DCC: variants seen among roughly 807,000 people sequenced by gnomAD.
The protein encoded by DCC is DCC netrin 1 receptor, also known as netrin receptor DCC.
Under a neutral mutation model 172.5 loss-of-function variants are expected in DCC, and 58 were observed. The ratio of observed to expected loss-of-function variants is 0.34; its 90% CI spans 0.27 to 0.42. The LOEUF is 0.42. Among genes scored for constraint, DCC ranks in the 10% least tolerant of loss-of-function variants. The probability of loss-of-function intolerance (pLI) is 1.00; values close to 1 mark genes in which losing one functional copy is unlikely to be tolerated. For missense variants in DCC, 1,740 were observed against 1,791.0 expected (o/e 0.97, Z 0.51); for synonymous variants, 709 against 644.5 (o/e 1.10, Z -1.52).
At chr18:53,426,888 G>A (rs1200775026) in intron 21 of DCC, among the ~76,000 whole-genome samples, 4 of 152,124 alleles carry the variant, frequency 2.6e-5, no homozygotes, top group Admixed American at 2.6e-4. Context: ...CCAGCAGGGT[G>A]CTCATGTTCT....
chr18:52,794,355 T>A (rs1284059087), intron 2 of DCC, among the ~76,000 whole-genome samples: 1 of 152,102 alleles, frequency 6.6e-6, no homozygotes, highest in Non-Finnish European at 1.5e-5. Context: ...TTTGTAGTTG[T>A]AGAAGTCTTT....
chr18:52,854,644 ATTCTT>A (rs2039024150), intron 2 of DCC, among the ~76,000 whole-genome samples: 2 of 152,240 alleles, frequency 1.3e-5, no homozygotes. Flanking sequence ...ACAGGTAACT[ATTCTT>A]TTCTGTTTTT....
intron 7 of DCC, among the ~76,000 whole-genome samples, chr18:53,106,079 GC>G (rs931661055): frequency 1.4e-4 from 21 of 151,718 alleles, no homozygotes; most frequent in African/African-American, 4.1e-4. Context: ...GTATATCAGA[GC>G]CCCCCAGTTA....
intron 1 of DCC, among the ~76,000 whole-genome samples, chr18:52,633,053 T>C (rs2034706599): frequency 6.6e-6 from 1 of 152,160 alleles, no homozygotes; most frequent in Non-Finnish European, 1.5e-5. Flanking sequence ...ATGAAAAGCA[T>C]TCTGGACATA....
chr18:52,811,260 A>G (rs1191479442), intron 2 of DCC, among the ~76,000 whole-genome samples: 1 of 152,226 alleles, frequency 6.6e-6, no homozygotes, highest in Non-Finnish European at 1.5e-5. Context: ...GAATATTTAT[A>G]TGATACCCTT....
chr18:52,938,881 A>G (rs958903845), intron 5 of DCC, among the ~76,000 whole-genome samples: 4 of 151,436 alleles, frequency 2.6e-5, no homozygotes, highest in African/African-American at 7.3e-5. Flanking sequence ...CCCCCATCCA[A>G]CTGCTCTTAT....
chr18:52,658,618 T>C (rs2035299460), intron 1 of DCC, among the ~76,000 whole-genome samples: 1 of 152,126 alleles, frequency 6.6e-6, no homozygotes, highest in Non-Finnish European at 1.5e-5. Context: ...ATGATGAGAT[T>C]AAAAGGTCAT....
Position 52,597,381 on chromosome 18 carries a change from T to C in DCC, c.92-154673T>C, listed in dbSNP as rs571236931. ...TGCCCAACTTGGTATTCAGAGTGGGTTCATTACAAAGAATATTGTTGCAGC... is the reference window on the plus strand; with the variant it reads ...TGCCCAACTTGGTATTCAGAGTGGGCTCATTACAAAGAATATTGTTGCAGC... On this transcript the variant is annotated intron_variant, in intron 1 of 28. Coordinates refer to ENST00000442544, the MANE Select transcript of DCC (RefSeq NM_005215.4). Among the ~76,000 whole-genome samples the C allele has an allele frequency of 5.3e-5, 8 of 152,274 alleles. No individual in the cohort carries two copies. In the East Asian group the frequency reaches 1.5e-3, roughly 29 times the overall value.
intron 12 of DCC, among the ~76,000 whole-genome samples, chr18:53,254,371 C>A (rs951286798): frequency 3.3e-5 from 5 of 151,968 alleles, no homozygotes; most frequent in Non-Finnish European, 5.9e-5. Flanking sequence ...ATGGTATCAA[C>A]CCCAATTTGT....
At chr18:52,760,336 C>T (rs1226105795) in intron 2 of DCC, among the ~76,000 whole-genome samples, 1 of 152,168 alleles carries the variant, frequency 6.6e-6, no homozygotes, top group Admixed American at 6.5e-5. Context: ...GGCTCAATCA[C>T]CTCCCACGAG....
intron 26 of DCC, among the ~76,000 whole-genome samples, chr18:53,492,763 T>C (rs2045973327): frequency 6.6e-6 from 1 of 152,184 alleles, no homozygotes; most frequent in Admixed American, 6.5e-5. Flanking sequence ...TTGTTCTTTT[T>C]TGCTTAGGAT....
intron 27 of DCC, among the ~76,000 whole-genome samples, chr18:53,510,124 G>A (rs1598826847): frequency 1.3e-5 from 2 of 152,156 alleles, no homozygotes; most frequent in East Asian, 3.9e-4. Flanking sequence ...GAAATGGGAT[G>A]TGTTGTCCTT....
chr18:52,655,622 A>G (rs1047900177), intron 1 of DCC, among the ~76,000 whole-genome samples: 1 of 152,136 alleles, frequency 6.6e-6, no homozygotes, highest in African/African-American at 2.4e-5. Flanking sequence ...AAAATGGCCT[A>G]TAAAATCCAC....
chr18:52,704,642 A>C (rs1820254583), intron 1 of DCC, among the ~76,000 whole-genome samples: 1 of 152,202 alleles, frequency 6.6e-6, no homozygotes, highest in African/African-American at 2.4e-5. Flanking sequence ...CTTGTTATAC[A>C]AACAACCACC....
intron 5 of DCC, among the ~76,000 whole-genome samples, chr18:53,033,944 C>A (rs559767867): frequency 3.8e-4 from 58 of 152,124 alleles, no homozygotes; most frequent in Non-Finnish European, 6.8e-4. Flanking sequence ...TCATACCCTC[C>A]TTCATGAAAC....
chr18:52,680,576 A>G (rs1032246700), intron 1 of DCC, among the ~76,000 whole-genome samples: 2 of 152,108 alleles, frequency 1.3e-5, no homozygotes, highest in Non-Finnish European at 2.9e-5. Context: ...TATCTTCTCC[A>G]CCATTATACC....
At chr18:53,214,907 G>A (rs1048321110) in intron 11 of DCC, among the ~76,000 whole-genome samples, 3 of 151,872 alleles carry the variant, frequency 2.0e-5, no homozygotes, top group Non-Finnish European at 4.4e-5. Context: ...TAAAAATGTA[G>A]GCAAGAAAAA....
At chr18:52,431,628 T>G (rs1394728517) in intron 1 of DCC, among the ~76,000 whole-genome samples, 5 of 152,126 alleles carry the variant, frequency 3.3e-5, no homozygotes, top group Non-Finnish European at 7.4e-5. Flanking sequence ...CTGTTTATGG[T>G]TCCAATGCCA....
chr18:52,770,344 T>C (rs1004459360), intron 2 of DCC, among the ~76,000 whole-genome samples: 3 of 152,236 alleles, frequency 2.0e-5, no homozygotes, highest in African/African-American at 7.2e-5. Flanking sequence ...GCTCTGTTCA[T>C]TCTTTAAAGC....
Sources: allele counts gnomAD v4.1 joint callset (sites outside exome capture counted in the v4.1 genomes callset), GRCh38; gene constraint gnomAD v4.1.1; transcripts MANE v1.5; gene names NCBI Gene and HGNC (gene_info 2026-07-23, HGNC 2026-07-21).